The following HERC4 variants were observed in gnomAD, a reference collection of about 807,000 sequenced individuals.
HERC4 encodes the protein probable E3 ubiquitin-protein ligase HERC4.
In HERC4, 28 loss-of-function variants were observed where a neutral mutation model predicts 124.3. The observed-to-expected ratio is 0.23, with a 90% confidence interval of 0.17 to 0.31. HERC4 has a LOEUF of 0.31. Ranked by LOEUF, HERC4 falls within the 10% of genes least tolerant of loss-of-function variation. The probability of loss-of-function intolerance (pLI) is 1.00; values close to 1 mark genes in which losing one functional copy is unlikely to be tolerated. For synonymous variants in HERC4, 407 were observed against 421.5 expected, an observed-to-expected ratio of 0.97 and a Z score of 0.42; for missense variants, 713 against 1,229.3, an observed-to-expected ratio of 0.58 and a Z score of 6.28.
chr10:68,042,496 G>T (rs192846539), intron 4 of HERC4, among the ~76,000 whole-genome samples: 106 of 152,266 alleles, frequency 7.0e-4, no homozygotes, highest in Non-Finnish European at 1.4e-3. Flanking sequence ...AGTGGTGCAC[G>T]CCTATAGTCG....
chr10:68,063,664 G>A (rs528279770), intron 3 of HERC4, among the ~76,000 whole-genome samples: 8 of 152,314 alleles, frequency 5.3e-5, no homozygotes, highest in African/African-American at 1.7e-4. Context: ...TAGGTCAGGC[G>A]TGGTGGCTCA....
chr10:68,010,933 G>C, intron 9 of HERC4: 2 of 1,178,870 alleles, frequency 1.7e-6, no homozygotes, highest in Non-Finnish European at 2.5e-6. Context: ...ACATTTTCAG[G>C]CTTTAGTTCT....
Position 67,935,198 on chromosome 10 carries a change from C to A in HERC4, c.2654+955G>T, listed in dbSNP as rs187149097. Among the ~76,000 whole-genome samples, 462 of 149,726 alleles carry A rather than the reference C, an allele frequency of 3.1e-3. 4 individuals carry two copies. Among genetic ancestry groups the A allele is most frequent in the African/African-American group, 0.011 (439 of 40,654 alleles). On this transcript the variant is annotated intron_variant, in intron 22 of 24. Coordinates refer to ENST00000373700, the MANE Select transcript of HERC4 (RefSeq NM_015601.4). ...TCTCGCTCTGTCGCCCAGGCTGGAG[C>A]GCAGTGGCACAATCTCGGCTCACTG...
intron 23 of HERC4, among the ~76,000 whole-genome samples, chr10:67,928,549 C>T (rs1297463108): frequency 6.6e-6 from 1 of 152,112 alleles, no homozygotes; most frequent in Admixed American, 6.6e-5. Context: ...TTCTGTTGCC[C>T]TTAGTCCAAC....
At chr10:68,007,486 CAT>C (rs773543337) in intron 9 of HERC4, among the ~76,000 whole-genome samples, 3 of 152,052 alleles carry the variant, frequency 2.0e-5, no homozygotes, top group Non-Finnish European at 4.4e-5. Context: ...TTGGTGAGGT[CAT>C]GTTTTCCTGG....
Position 67,950,917 on chromosome 10 carries a change from G to A in HERC4, c.2337+3678C>T, listed in dbSNP as rs147255296. On this transcript the variant is annotated intron_variant, in intron 19 of 24. Transcript: ENST00000373700. ...ACCATTTTCCACTTAAAGAAGACAC[G>A]GCTCTTAAGAAAAATGCTAATGCCA... Among the ~76,000 whole-genome samples, 1,027 of 152,224 alleles carry A rather than the reference G, an allele frequency of 6.7e-3. 15 individuals are homozygous for A. The highest frequency in any genetic ancestry group is 0.024 in the African/African-American group (988 of 41,532).
chr10:68,044,429 A>C lies in HERC4; in HGVS notation c.361T>G (p.Ser121Ala). The change falls in exon 4 of 25, where the codon TCA becomes GCA. Residue 121 changes from serine to alanine, a missense_variant. Ser to Ala is a moderately conservative substitution (Grantham distance 99). Coordinates refer to ENST00000373700, the MANE Select transcript of HERC4 (RefSeq NM_015601.4). Reference sequence around the variant, plus strand: ...CTGGGTACTCTGATGCATTCCTCTGATCCTACCAGGCCAAGCTGTCCATCA... The same window carrying C: ...CTGGGTACTCTGATGCATTCCTCTGCTCCTACCAGGCCAAGCTGTCCATCA... Reference protein sequence around the residue: ...DSDGQLGLVGSEECIRVPRNI... With the variant: ...DSDGQLGLVGAEECIRVPRNI... The C allele has an allele frequency of 6.2e-7, 1 of 1,613,990 alleles. No homozygotes were observed. Among genetic ancestry groups the C allele is most frequent in the African/African-American group, 1.3e-5 (1 of 75,004 alleles).
intron 9 of HERC4, among the ~76,000 whole-genome samples, chr10:68,013,202 T>C (rs1410308350): frequency 2.0e-5 from 3 of 152,236 alleles, no homozygotes; most frequent in South Asian, 4.1e-4. Context: ...CACAGTCTTT[T>C]AAGACATAAT....
At chr10:68,039,719 G>A in intron 4 of HERC4, 1 of 1,330,056 alleles carries the variant, frequency 7.5e-7, no homozygotes. Flanking sequence ...CACTGGCAAT[G>A]CAAACAGAGT....
At chr10:67,993,525 A>T (rs893662976) in intron 9 of HERC4, 2 of 116,954 alleles carry the variant, frequency 1.7e-5, no homozygotes, top group East Asian at 1.1e-3. Context: ...ACCCATCTCT[A>T]AAAAAAAAAA....
rs893947359 is a variant in HERC4, at chr10:67,982,490, G to A, written c.1806+6173C>T. 8.8e-5 allele frequency among the ~76,000 whole-genome samples: 8 copies of A among 90,478 alleles called. No individual in the cohort carries two copies. The South Asian group carries it at 1.1e-3, about 12-fold the overall frequency. The allele number at this position is 90,478 out of a possible 152,430, so 59.4% of individuals were successfully genotyped here. ...TAAAAATCAAATCAAAATGATTAAT[G>A]ATTAAATCTAAGACCTCAAACTATG... On this transcript the variant is annotated intron_variant, in intron 15 of 24. Transcript: ENST00000373700.
chr10:68,008,550 T>G (rs112889596), intron 9 of HERC4, among the ~76,000 whole-genome samples: 1 of 152,194 alleles, frequency 6.6e-6, no homozygotes, highest in African/African-American at 2.4e-5. Context: ...GATGTAATCA[T>G]ATGGATGTGG....
Position 68,072,879 on chromosome 10 carries a change from T to G in HERC4, c.226+4A>C. ...TAGCAAATTTTAAAAACATTTCAACTTACCTGGTTTCTTTCTGGATTTTTC... is the reference window on the plus strand; with the variant it reads ...TAGCAAATTTTAAAAACATTTCAACGTACCTGGTTTCTTTCTGGATTTTTC... On this transcript the variant is annotated splice_donor_region_variant and intron_variant, in intron 3 of 24. Transcript: ENST00000373700. 2 of 1,540,728 alleles carry G rather than the reference T, an allele frequency of 1.3e-6. No homozygotes were observed. Among genetic ancestry groups the G allele is most frequent in the Non-Finnish European group, 1.7e-6 (2 of 1,144,880 alleles).
chr10:68,069,799 C>G, intron 3 of HERC4: 1 of 946,386 alleles, frequency 1.1e-6, no homozygotes, highest in Non-Finnish European at 1.3e-6. Context: ...TCCCAGCACT[C>G]TGGGAGGCCA....
intron 3 of HERC4, among the ~76,000 whole-genome samples, chr10:68,061,018 G>A (rs1438073558): frequency 6.6e-6 from 1 of 151,888 alleles, no homozygotes; most frequent in Non-Finnish European, 1.5e-5. Flanking sequence ...CTGCTCTTTA[G>A]GACCGCTTTT....
chr10:68,049,590 C>CAAAA (rs766514516), intron 3 of HERC4, among the ~76,000 whole-genome samples: 10,625 of 42,518 alleles, frequency 0.25, 1,876 homozygotes, highest in East Asian at 0.45. Context: ...GACACTGCCA[C>CAAAA]AAAAAAAAAA....
At chr10:68,063,720 C>A (rs1170093804) in intron 3 of HERC4, among the ~76,000 whole-genome samples, 2 of 151,932 alleles carry the variant, frequency 1.3e-5, no homozygotes, top group East Asian at 3.9e-4. Context: ...GACAGATTAC[C>A]TGAGGCCAGG....
Position 67,972,461 on chromosome 10 carries a change from C to T in HERC4, c.1807-5659G>A, listed in dbSNP as rs12269442. ...GCTTGAATCCGGGAGGCGGAGGTTG[C>T]GGTGAGCTGAGATCGTGCCTGCACT... On this transcript the variant is annotated intron_variant, in intron 15 of 24. Transcript: ENST00000373700. Among the ~76,000 whole-genome samples, 630 of 124,090 alleles carry T rather than the reference C, an allele frequency of 5.1e-3. 5 individuals carry two copies. The highest frequency in any genetic ancestry group is 0.018 in the African/African-American group (592 of 32,962). 81.4% of individuals were successfully genotyped at this position (124,090 alleles called of 152,430 possible).
intron 3 of HERC4, among the ~76,000 whole-genome samples, chr10:68,059,154 C>T (rs2040702117): frequency 6.6e-6 from 1 of 151,834 alleles, no homozygotes; most frequent in Non-Finnish European, 1.5e-5. Flanking sequence ...ATACGTATTA[C>T]TGTGTTTTTA....
Sources: gnomAD v4.1 joint callset for allele counts (sites outside exome capture counted in the v4.1 genomes callset) on GRCh38, gnomAD v4.1.1 for gene constraint, MANE v1.5 for transcripts, NCBI Gene and HGNC (gene_info 2026-07-23, HGNC 2026-07-21) for gene names.